Variants in ERC2 observed in about 807,000 individuals in gnomAD.
ERC2 encodes ELKS/RAB6-interacting/CAST family member 2.
Under a neutral mutation model 114.8 loss-of-function variants are expected in ERC2, and 42 were observed. The observed-to-expected ratio is 0.37, with a 90% CI of 0.29 to 0.47. The LOEUF is 0.47. ERC2 is among the 20% of genes least tolerant of loss of function. ERC2 has a pLI of 0.99. For missense variants in ERC2, 939 were observed against 1,150.7 expected, an observed-to-expected ratio of 0.82 and a Z score of 2.66; for synonymous variants, 454 against 425.5, an observed-to-expected ratio of 1.07 and a Z score of -0.82.
intron 2 of ERC2, among the ~76,000 whole-genome samples, chr3:56,416,282 T>C (rs1241500493): frequency 1.3e-5 from 2 of 152,150 alleles, no homozygotes; most frequent in East Asian, 3.8e-4. Flanking sequence ...GTTTGAAGAA[T>C]AGAAATCTCA....
chr3:56,066,001 A>G (rs2076463539), intron 7 of ERC2, among the ~76,000 whole-genome samples: 1 of 152,180 alleles, frequency 6.6e-6, no homozygotes, highest in African/African-American at 2.4e-5. Context: ...TAGTACTGCA[A>G]TGAGCATACA....
intron 2 of ERC2, among the ~76,000 whole-genome samples, chr3:56,407,648 C>T (rs2060780211): frequency 6.6e-6 from 1 of 152,172 alleles, no homozygotes; most frequent in African/African-American, 2.4e-5. Flanking sequence ...GGGTGAGAGT[C>T]TGCATTTCTA....
intron 8 of ERC2, among the ~76,000 whole-genome samples, chr3:56,014,921 G>T (rs553219269): frequency 2.2e-4 from 33 of 152,172 alleles, no homozygotes; most frequent in Admixed American, 3.9e-4. Flanking sequence ...ATTATTAAAA[G>T]ATGAAAAGAG....
At chr3:56,037,486 T>A (rs6803094) in intron 7 of ERC2, among the ~76,000 whole-genome samples, 46,110 of 151,766 alleles carry the variant, frequency 0.3, 8,626 homozygotes, top group East Asian at 0.55. Flanking sequence ...AATAAGACAG[T>A]CAGACGAGAT....
At chr3:56,263,658 T>C (rs953827142) in intron 3 of ERC2, among the ~76,000 whole-genome samples, 1 of 152,140 alleles carries the variant, frequency 6.6e-6, no homozygotes, top group Non-Finnish European at 1.5e-5. Context: ...TATAGACTGA[T>C]GTAGTAATTA....
intron 16 of ERC2, among the ~76,000 whole-genome samples, chr3:55,691,585 T>TAC (rs2062670783): frequency 7.7e-6 from 1 of 129,190 alleles, no homozygotes; most frequent in Non-Finnish European, 1.6e-5. Context: ...TATATATATA[T>TAC]ATATATATAT....
At chr3:56,118,921 C>G (rs893379013) in intron 6 of ERC2, among the ~76,000 whole-genome samples, 2 of 152,162 alleles carry the variant, frequency 1.3e-5, no homozygotes, top group African/African-American at 4.8e-5. Flanking sequence ...CAGGCTCGAG[C>G]CACTGTGCCC....
intron 13 of ERC2, among the ~76,000 whole-genome samples, chr3:55,934,302 A>T (rs1188400203): frequency 6.6e-6 from 1 of 152,240 alleles, no homozygotes; most frequent in Non-Finnish European, 1.5e-5. Flanking sequence ...GAGTTAAAAC[A>T]TATCAGAATA....
At chr3:56,207,587 C>A (rs9859491) in intron 3 of ERC2, among the ~76,000 whole-genome samples, 4,479 of 152,150 alleles carry the variant, frequency 0.029, 70 homozygotes, top group Middle Eastern at 0.058. Flanking sequence ...AGATAATTAT[C>A]ATTGTGATTC....
intron 14 of ERC2, among the ~76,000 whole-genome samples, chr3:55,789,088 G>A (rs778556484): frequency 8.5e-5 from 13 of 152,170 alleles, no homozygotes; most frequent in African/African-American, 1.4e-4. Flanking sequence ...CATCTTTGTC[G>A]TCGTGTTACA....
chr3:55,989,425 T>C (rs571290337), intron 11 of ERC2, among the ~76,000 whole-genome samples: 300 of 152,302 alleles, frequency 2.0e-3, no homozygotes, highest in African/African-American at 7.0e-3. Context: ...GGGGCTGGTT[T>C]AGCATAGAAA....
At position 56,370,641 on chromosome 3, in the gene ERC2, C is replaced by G. The variant is rs2059330241; in HGVS notation, c.657+63710G>C. Reference sequence around the variant, plus strand: ...ACAGAGTCTTGCTTTGTCACCCAGGCTGTAGTGCAGTGGCGTGATCTTGGC... The same window carrying G: ...ACAGAGTCTTGCTTTGTCACCCAGGGTGTAGTGCAGTGGCGTGATCTTGGC... On this transcript the variant is annotated intron_variant, in intron 2 of 17. Transcript: ENST00000288221. 2.1e-5 allele frequency among the ~76,000 whole-genome samples: 3 copies of G among 143,606 alleles called. No individual in the cohort carries two copies. The South Asian group carries it at 6.5e-4, about 31-fold the overall frequency. The allele number at this position is 143,606 out of a possible 152,430, so 94.2% of individuals were successfully genotyped here.
At chr3:56,088,876 G>T (rs903351257) in intron 6 of ERC2, among the ~76,000 whole-genome samples, 4 of 152,004 alleles carry the variant, frequency 2.6e-5, no homozygotes, top group Admixed American at 6.6e-5. Context: ...TTTTGCTATT[G>T]TTATTATACT....
chr3:56,433,988 C>T (rs75215243), intron 2 of ERC2: 3,699 of 208,242 alleles, frequency 0.018, 50 homozygotes, highest in South Asian at 0.038. Context: ...TTTATTCTTA[C>T]AGAAATTAAC....
At chr3:56,134,757 T>G (rs2080396484) in intron 6 of ERC2, among the ~76,000 whole-genome samples, 2 of 152,302 alleles carry the variant, frequency 1.3e-5, no homozygotes, top group African/African-American at 4.8e-5. Flanking sequence ...TATAGAATCC[T>G]TCTCTGGCTT....
At chr3:55,971,493 A>T (rs1312971855) in intron 12 of ERC2, among the ~76,000 whole-genome samples, 1 of 152,168 alleles carries the variant, frequency 6.6e-6, no homozygotes, top group Admixed American at 6.5e-5. Flanking sequence ...CTTTCTAGAA[A>T]TTTTTTAGGC....
At chr3:55,791,228 C>G (rs959402728) in intron 14 of ERC2, among the ~76,000 whole-genome samples, 1 of 152,034 alleles carries the variant, frequency 6.6e-6, no homozygotes, top group Non-Finnish European at 1.5e-5. Context: ...ACTTGGAGAG[C>G]CTTTAGAGGC....
chr3:55,812,869 G>A (rs961805741), intron 14 of ERC2, among the ~76,000 whole-genome samples: 1 of 152,250 alleles, frequency 6.6e-6, no homozygotes, highest in East Asian at 1.9e-4. Context: ...GTGTGTGCAT[G>A]TGCACGTGTC....
chr3:55,775,537 A>AAAATAAAGAAATAAAT (rs2068528777), intron 14 of ERC2, among the ~76,000 whole-genome samples: 1 of 133,278 alleles, frequency 7.5e-6, no homozygotes, highest in Non-Finnish European at 1.6e-5. Context: ...ACCCTGTCTC[A>AAAATAAAGAAATAAAT]AAATAAATAA....
Sources: gnomAD v4.1 joint callset for allele counts (sites outside exome capture counted in the v4.1 genomes callset) on GRCh38, gnomAD v4.1.1 for gene constraint, MANE v1.5 for transcripts, NCBI Gene and HGNC (gene_info 2026-07-23, HGNC 2026-07-21) for gene names.